Variants in SNX29 observed in about 807,000 individuals in gnomAD.
SNX29 encodes the protein sorting nexin-29.
Under a neutral mutation model 102.1 loss-of-function variants are expected in SNX29, and 78 were observed. That is an observed-to-expected ratio of 0.76 (90% CI 0.64 to 0.92). The LOEUF is 0.92. Among genes scored for constraint, SNX29 ranks in the 40% least tolerant of loss-of-function variants. The pLI, the probability that SNX29 is intolerant of heterozygous loss-of-function variation, is 0.00. For missense variants in SNX29, 1,280 were observed against 1,061.7 expected (o/e 1.21, Z -2.86); for synonymous variants, 580 against 414.5 (o/e 1.40, Z -4.85).
At chr16:12,239,130 A>G (rs1158725880) in intron 14 of SNX29, among the ~76,000 whole-genome samples, 2 of 152,300 alleles carry the variant, frequency 1.3e-5, no homozygotes, top group South Asian at 2.1e-4. Flanking sequence ...AGCTTGGCAC[A>G]TGGCCTTTCT....
intron 20 of SNX29, 53 bp downstream of exon 20, chr16:12,524,894 T>C (rs2076736908): frequency 6.3e-7 from 1 of 1,594,076 alleles, no homozygotes; most frequent in East Asian, 2.2e-5. Flanking sequence ...CATTTTTTTC[T>C]CGGTCGTTTT....
chr16:12,361,167 C>T (rs1269193224), intron 16 of SNX29, among the ~76,000 whole-genome samples: 1 of 152,268 alleles, frequency 6.6e-6, no homozygotes, highest in East Asian at 1.9e-4. Flanking sequence ...TGACCTGTCT[C>T]CCAGTGTGAG....
At chr16:12,057,860 C>G (rs2050584544) in intron 8 of SNX29, among the ~76,000 whole-genome samples, 1 of 150,662 alleles carries the variant, frequency 6.6e-6, no homozygotes, top group African/African-American at 2.4e-5. Flanking sequence ...CTCTGTCACT[C>G]AGGCTGGAGT....
intron 15 of SNX29, among the ~76,000 whole-genome samples, chr16:12,279,428 C>T (rs377714663): frequency 3.3e-5 from 5 of 152,356 alleles, no homozygotes; most frequent in East Asian, 3.9e-4. Flanking sequence ...GGCCTTAACA[C>T]ACAGGTTGGT....
intron 20 of SNX29, among the ~76,000 whole-genome samples, chr16:12,535,470 G>A (rs1242616021): frequency 6.6e-6 from 1 of 152,184 alleles, no homozygotes; most frequent in Non-Finnish European, 1.5e-5. Flanking sequence ...TTTGAGGTTA[G>A]TGTTACTGTC....
chr16:12,419,095 G>A (rs1039848522), intron 18 of SNX29, among the ~76,000 whole-genome samples: 2 of 152,052 alleles, frequency 1.3e-5, no homozygotes, highest in African/African-American at 2.4e-5. Flanking sequence ...TGTCTACAGC[G>A]CCACCGTTGA....
At chr16:12,074,608 C>T (rs1456613566) in intron 10 of SNX29, among the ~76,000 whole-genome samples, 2 of 152,146 alleles carry the variant, frequency 1.3e-5, no homozygotes, top group Non-Finnish European at 2.9e-5. Flanking sequence ...TTTTTTCCTT[C>T]ATTTCAACTT....
chr16:12,468,079 C>T (rs1255242780), intron 18 of SNX29, among the ~76,000 whole-genome samples: 1 of 152,048 alleles, frequency 6.6e-6, no homozygotes, highest in African/African-American at 2.4e-5. Flanking sequence ...TTTCACTTGT[C>T]CCCTGTTACA....
chr16:12,080,854 T>A (rs998489986), intron 11 of SNX29, among the ~76,000 whole-genome samples: 3 of 151,928 alleles, frequency 2.0e-5, no homozygotes, highest in Admixed American at 2.0e-4. Context: ...CGGCTAATTT[T>A]TGTATTTTTA....
intron 14 of SNX29, among the ~76,000 whole-genome samples, chr16:12,236,816 C>T (rs1187577125): frequency 6.6e-6 from 1 of 152,212 alleles, no homozygotes; most frequent in Non-Finnish European, 1.5e-5. Flanking sequence ...GGTCATCCGT[C>T]CTCCCCTAGT....
intron 20 of SNX29, among the ~76,000 whole-genome samples, chr16:12,555,181 C>T (rs1397864496): frequency 2.0e-5 from 3 of 151,842 alleles, no homozygotes; most frequent in Admixed American, 2.0e-4. Context: ...TGGGGTTACT[C>T]AGGTGTGGCA....
chr16:12,138,206 C>CTTT (rs58229550), intron 13 of SNX29, among the ~76,000 whole-genome samples: 16 of 123,006 alleles, frequency 1.3e-4, no homozygotes, highest in African/African-American at 2.8e-4. Flanking sequence ...ATTTGTCACT[C>CTTT]TTTTTTTTTT....
chr16:12,047,711 G>C (rs935948772), intron 6 of SNX29, among the ~76,000 whole-genome samples: 1 of 148,332 alleles, frequency 6.7e-6, no homozygotes, highest in African/African-American at 2.5e-5. Flanking sequence ...AGGCTGGAGT[G>C]CAATGGCAGG....
At chr16:12,532,765 G>C (rs2076966208) in intron 20 of SNX29, among the ~76,000 whole-genome samples, 1 of 152,204 alleles carries the variant, frequency 6.6e-6, no homozygotes, top group African/African-American at 2.4e-5. Context: ...CAGGGCAGGA[G>C]CCTGGAGTCC....
At chr16:12,240,077 T>C (rs1347385386) in intron 14 of SNX29, among the ~76,000 whole-genome samples, 2 of 152,258 alleles carry the variant, frequency 1.3e-5, no homozygotes, top group Non-Finnish European at 2.9e-5. Flanking sequence ...TTTTGTGTCT[T>C]TAAATATTAT....
chr16:12,203,214 C>G (rs76470926), intron 14 of SNX29, among the ~76,000 whole-genome samples: 1 of 121,396 alleles, frequency 8.2e-6, no homozygotes, highest in Non-Finnish European at 1.7e-5. Context: ...AGTTGTATAG[C>G]GTGGCCCCAC....
intron 16 of SNX29, among the ~76,000 whole-genome samples, chr16:12,359,027 G>A (rs1341583793): frequency 6.6e-6 from 1 of 152,238 alleles, no homozygotes; most frequent in Non-Finnish European, 1.5e-5. Flanking sequence ...AACCCAAGAA[G>A]GGGGTTGTGA....
At chr16:12,338,804 C>G (rs1296843346) in intron 15 of SNX29, among the ~76,000 whole-genome samples, 1 of 152,162 alleles carries the variant, frequency 6.6e-6, no homozygotes, top group Non-Finnish European at 1.5e-5. Flanking sequence ...CCAGACCCAC[C>G]TTCCATGTGG....
At chr16:12,230,775 A>G (rs917588810) in intron 14 of SNX29, among the ~76,000 whole-genome samples, 5 of 152,168 alleles carry the variant, frequency 3.3e-5, no homozygotes, top group African/African-American at 9.7e-5. Flanking sequence ...TGGAGTTGCA[A>G]TTGTGACTCT....
Sources: gnomAD v4.1 joint callset for allele counts (sites outside exome capture counted in the v4.1 genomes callset) on GRCh38, gnomAD v4.1.1 for gene constraint, MANE v1.5 for transcripts, NCBI Gene and HGNC (gene_info 2026-07-23, HGNC 2026-07-21) for gene names.